Variants in TBKBP1 observed in about 807,000 individuals in gnomAD.
TBKBP1 encodes the protein TBK1 binding protein 1, also known as TANK-binding kinase 1-binding protein 1.
TBKBP1 carries 47 observed loss-of-function variants against 69.9 expected under a neutral mutation model. That is an observed-to-expected ratio of 0.67 (90% confidence interval 0.53 to 0.86). The LOEUF (loss-of-function observed/expected upper bound fraction) is 0.86. Among genes scored for constraint, TBKBP1 ranks in the 40% least tolerant of loss-of-function variants. The pLI, the probability that TBKBP1 is intolerant of heterozygous loss-of-function variation, is 0.00. For missense variants in TBKBP1, 831 were observed against 858.6 expected (o/e 0.97, Z 0.40); for synonymous variants, 418 against 390.3 (o/e 1.07, Z -0.84).
rs1416427820 is a variant in TBKBP1 at position 47,696,759 on chromosome 17, G to A, written c.274G>A (p.Glu92Lys). 1 of 1,614,024 alleles carries A rather than the reference G, an allele frequency of 6.2e-7. No individual in the cohort carries two copies. The highest frequency in any genetic ancestry group is 8.5e-7 in the Non-Finnish European group (1 of 1,179,866). The stretch of plus-strand genomic sequence containing the variant: ...AGAGGAGCATGGCTTTTCTCTGTAT[G>A]AAATCAAGGATGGCTCCCTGCTGGA... Reference protein sequence around the residue: ...FGEEHGFSLYEIKDGSLLEVE... With the variant: ...FGEEHGFSLYKIKDGSLLEVE... The change falls in exon 3 of 10, where the codon GAA becomes AAA. Residue 92 changes from glutamate to lysine, a missense_variant. Glu to Lys is a moderately conservative substitution (Grantham distance 56). Transcript: ENST00000578982.
chr17:47,698,905 T>C (rs2031368391), intron 5 of TBKBP1, 130 bp downstream of exon 5: 4 of 932,516 alleles, frequency 4.3e-6, no homozygotes, highest in Non-Finnish European at 6.2e-6. Flanking sequence ...CCATCCTCCC[T>C]TACCTGCTGT....
Position 47,696,227 on chromosome 17 carries a change from G to A in TBKBP1, c.115G>A (p.Ala39Thr). Residue 39 changes from alanine (A) to threonine (T), a missense_variant, in exon 2 of 10, where the codon GCC (alanine) becomes ACC (threonine). Ala to Thr is a moderately conservative substitution (Grantham distance 58, BLOSUM62 0). Coordinates refer to ENST00000578982, the MANE Select transcript of TBKBP1 (RefSeq NM_001394755.1). ...DPSLGGDMCS[A>T]SHFALITAYG... Reference sequence around the variant, plus strand: ...CTCGCTTGGGGGCGACATGTGCTCCGCCTCCCACTTTGCCCTCATCACTGC... The same window carrying A: ...CTCGCTTGGGGGCGACATGTGCTCCACCTCCCACTTTGCCCTCATCACTGC... 3 of 1,613,692 alleles carry A rather than the reference G, an allele frequency of 1.9e-6. No individual in the cohort carries two copies. The highest frequency in any genetic ancestry group is 2.5e-6 in the Non-Finnish European group (3 of 1,179,858).
Position 47,708,338 on chromosome 17 carries a change from G to T in TBKBP1, c.873-56G>T, listed in dbSNP as rs532854857. The T allele has an allele frequency of 1.3e-4, 213 of 1,584,738 alleles. 2 individuals are homozygous for T. The South Asian group carries it at 2.2e-3, about 17-fold the overall frequency. Reference sequence around the variant, plus strand: ...GGGTAGAGCCAGTTCTTCCTCCACAGCTGGGACGGTAGACCCACTGCCCTT... The same window carrying T: ...GGGTAGAGCCAGTTCTTCCTCCACATCTGGGACGGTAGACCCACTGCCCTT... On this transcript the variant is annotated intron_variant, in intron 7 of 9. Transcript: ENST00000578982. The surrounding 1 kb of genome is among the most constrained non-coding windows in gnomAD (Gnocchi z 4.4).
rs761449312 is a variant in TBKBP1 at position 47,698,575 on chromosome 17, C to T, written c.454-20C>T. On this transcript the variant is annotated intron_variant, in intron 4 of 9. Coordinates refer to ENST00000578982, the MANE Select transcript of TBKBP1 (RefSeq NM_001394755.1). ...AAGTCCTGGGCCTGTGCAGACCCTC[C>T]CCTCTGTCTCTCTCTCCAGAGGGCC... The T allele has an allele frequency of 2.7e-5, 43 of 1,566,546 alleles. No homozygotes were observed. In the East Asian group the frequency reaches 9.7e-4, roughly 35 times the overall value.
chr17:47,696,393 T>G, intron 2 of TBKBP1, 56 bp downstream of exon 2: 2 of 1,563,582 alleles, frequency 1.3e-6, no homozygotes. Context: ...GGAGGGGGAC[T>G]GGGAATCTGG....
At chr17:47,699,598 G>C in intron 6 of TBKBP1, 38 bp from the exon 7 acceptor site, 1 of 1,614,010 alleles carries the variant, frequency 6.2e-7, no homozygotes, top group Non-Finnish European at 8.5e-7. Flanking sequence ...CCTGGCAGGG[G>C]TGAGCTTGGG....
chr17:47,694,391 A>G (rs1443685153), intron 1 of TBKBP1, among the ~76,000 whole-genome samples, 197 bp downstream of exon 1: 3 of 149,672 alleles, frequency 2.0e-5, no homozygotes, highest in Non-Finnish European at 4.4e-5. Context: ...AGGCCGCGCC[A>G]CTCCCGGAGC....
chr17:47,708,394 G>T lies in TBKBP1; in HGVS notation c.873G>T (p.Gln291His). The change falls in exon 8 of 10, where the codon CAG (glutamine) becomes CAT (histidine). Residue 291 changes from glutamine to histidine, a missense_variant and splice_region_variant. By Grantham distance (24) the Gln-to-His change is conservative. Transcript: ENST00000578982. This position sits in a 1 kb window ranked among gnomAD's most constrained non-coding sequence, Gnocchi z 4.4. ...CTTTCCCACTGCCCTCTGACTTCAGGGTGAATTTGGCGCTGGCCTACACCG... is the reference window on the plus strand; with the variant it reads ...CTTTCCCACTGCCCTCTGACTTCAGTGTGAATTTGGCGCTGGCCTACACCG... The part of the protein sequence containing the change: ...MAWVKRVGDD[Q>H]VNLALAYTEL... 6.2e-7 allele frequency: 1 copy of T among 1,613,856 alleles called. No individual in the cohort carries two copies. Among genetic ancestry groups the T allele is most frequent in the Non-Finnish European group, 8.5e-7 (1 of 1,179,786 alleles).
chr17:47,709,554 G>A, intron 9 of TBKBP1, 102 bp downstream of exon 9: 1 of 1,379,406 alleles, frequency 7.2e-7, no homozygotes, highest in Middle Eastern at 2.7e-4. Flanking sequence ...TCGGGTGTCA[G>A]CGCACAAACT....
intron 3 of TBKBP1, 22 bp downstream of exon 3, chr17:47,696,855 C>T (rs2031267245): frequency 1.2e-6 from 2 of 1,612,314 alleles, no homozygotes; most frequent in South Asian, 1.1e-5. Context: ...AGGCTGGGCG[C>T]ACCCCCTGAG....
In TBKBP1 at chr17:47,708,941, C is replaced by T. The variant is rs1487124517; in HGVS notation, c.1208C>T (p.Pro403Leu). 2.2e-5 allele frequency: 28 copies of T among 1,249,940 alleles called. No individual in the cohort carries two copies. The highest frequency in any genetic ancestry group is 1.4e-4 in the East Asian group (3 of 21,052). 77.4% of individuals were successfully genotyped at this position (1,249,940 alleles called of 1,614,324 possible). ...GTCCCGCAGCGCCGCTCGCCGGTGCCGCCGTCGTGCCAGTCCCCCAGCCCG... is the reference window on the plus strand; with the variant it reads ...GTCCCGCAGCGCCGCTCGCCGGTGCTGCCGTCGTGCCAGTCCCCCAGCCCG... ...SPVPQRRSPV[P>L]PSCQSPSPQR... The change falls in exon 9 of 10, where the codon CCG (proline) becomes CTG (leucine). Residue 403 changes from proline (P) to leucine (L), a missense_variant. Physicochemically the swap from Pro to Leu is moderately conservative, Grantham distance 98 (BLOSUM62 -3). Coordinates refer to ENST00000578982, the MANE Select transcript of TBKBP1 (RefSeq NM_001394755.1). The surrounding 1 kb of genome is among the most constrained non-coding windows in gnomAD (Gnocchi z 4.4).
In TBKBP1 at chr17:47,709,251, GC is replaced by G. The variant is rs1391079250; in HGVS notation, c.1519del (p.Arg507AlafsTer69). 6.6e-7 allele frequency: 1 copy of G among 1,522,116 alleles called. No individual in the cohort carries two copies. Among genetic ancestry groups the G allele is most frequent in the Admixed American group, 2.0e-5 (1 of 50,394 alleles). The allele number at this position is 1,522,116 out of a possible 1,614,324, so 94.3% of individuals were successfully genotyped here. A position where few individuals can be genotyped will look rare whatever the true frequency, so the allele number is the denominator to read the frequency against. On this transcript the variant is annotated frameshift_variant, in exon 9 of 10. Transcript: ENST00000578982. LOFTEE classifies it high-confidence loss of function. ...YGPGRPLSPR[R>X]AFEGIRLRFE... is the part of the protein sequence containing the mutation. Reference sequence around the variant, plus strand: ...GCCCTGGCAGGCCCCTCAGCCCGCGGCGCGCCTTCGAGGGCATCCGGCTGCG... The same window carrying G: ...GCCCTGGCAGGCCCCTCAGCCCGCGGGCGCCTTCGAGGGCATCCGGCTGCG...
rs2031358920 is a variant in TBKBP1, at chr17:47,698,732, C to T, written c.591C>T (p.Asp197=). 3.8e-6 allele frequency: 6 copies of T among 1,599,538 alleles called. No homozygotes were observed. The highest frequency in any genetic ancestry group is 5.1e-6 in the Non-Finnish European group (6 of 1,171,742). Residue 197 remains aspartate, a synonymous_variant, in exon 5 of 10, where the codon GAC becomes GAT. Coordinates refer to ENST00000578982, the MANE Select transcript of TBKBP1 (RefSeq NM_001394755.1). ...CCGCCCCTCCCTGCACTGATTTAGA[C>T]CTGCACTACCTGGCACTGAGAGGGG... ...PAPAPPCTDL[D]LHYLALRGGS...
intron 7 of TBKBP1, among the ~76,000 whole-genome samples, chr17:47,706,828 GACACACACACACACACACACACAC>G (rs55849029): frequency 1.5e-5 from 2 of 134,158 alleles, no homozygotes; most frequent in African/African-American, 5.7e-5. Flanking sequence ...GTTAGACTTA[GACACACACACACACACACACACAC>G]ACACACACAC....
rs971484730 is a variant in TBKBP1 at position 47,708,577 on chromosome 17, A to G, written c.991+65A>G. 2 of 1,573,788 alleles carry G rather than the reference A, an allele frequency of 1.3e-6. No individual in the cohort carries two copies. The highest frequency in any genetic ancestry group is 1.7e-6 in the Non-Finnish European group (2 of 1,149,584). On this transcript the variant is annotated intron_variant, in intron 8 of 9. Coordinates refer to ENST00000578982, the MANE Select transcript of TBKBP1 (RefSeq NM_001394755.1). This position sits in a 1 kb window ranked among gnomAD's most constrained non-coding sequence, Gnocchi z 4.4. ...CGGGAAGGAGCGGGTAGCCATGGCA[A>G]CCATCTTGGTCATGGGGACCACCCT...
At position 47,708,533 on chromosome 17, in the gene TBKBP1, G is replaced by C. The variant is rs549625896; in HGVS notation, c.991+21G>C. ...TGGCGGTGAGATGGGGCAGGGCAGGGGGAGGCAGCCGCGGGACCCGGGAAG... is the reference window on the plus strand; with the variant it reads ...TGGCGGTGAGATGGGGCAGGGCAGGCGGAGGCAGCCGCGGGACCCGGGAAG... On this transcript the variant is annotated intron_variant, in intron 8 of 9. Transcript: ENST00000578982. This position sits in a 1 kb window ranked among gnomAD's most constrained non-coding sequence, Gnocchi z 4.4. 163 of 1,611,838 alleles carry C rather than the reference G, an allele frequency of 1.0e-4. 1 individual carries two copies. The South Asian group carries it at 1.7e-3, about 17-fold the overall frequency.
At chr17:47,694,400 GCCCCTT>G (rs2031117129) in intron 1 of TBKBP1, among the ~76,000 whole-genome samples, 1 of 151,878 alleles carries the variant, frequency 6.6e-6, no homozygotes, top group South Asian at 2.1e-4. Context: ...CACTCCCGGA[GCCCCTT>G]CCCCGGCCCC....
intron 7 of TBKBP1, among the ~76,000 whole-genome samples, chr17:47,703,204 TC>T (rs200954949): frequency 1.1e-4 from 16 of 149,828 alleles, no homozygotes; most frequent in East Asian, 5.9e-4. Flanking sequence ...CCGCACCACC[TC>T]CCCCCCCACC....
intron 7 of TBKBP1, among the ~76,000 whole-genome samples, chr17:47,703,363 A>C (rs1414243880): frequency 6.6e-6 from 1 of 152,162 alleles, no homozygotes; most frequent in Non-Finnish European, 1.5e-5. Flanking sequence ...GCATACCCTG[A>C]GCGTAGCCTC....
Sources: gnomAD v4.1 joint callset for allele counts (sites outside exome capture counted in the v4.1 genomes callset) on GRCh38, gnomAD v4.1.1 for gene constraint, Gnocchi (gnomAD v3.1) non-coding constraint, MANE v1.5 for transcripts, NCBI Gene and HGNC (gene_info 2026-07-23, HGNC 2026-07-21) for gene names.